Variants in VPS13B observed in about 807,000 individuals in gnomAD.
The protein encoded by VPS13B is intermembrane lipid transfer protein VPS13B.
Under a neutral mutation model 426.4 loss-of-function variants are expected in VPS13B, and 285 were observed. The ratio of observed to expected loss-of-function variants is 0.67; its 90% CI spans 0.61 to 0.74. The LOEUF (loss-of-function observed/expected upper bound fraction) is 0.74, where lower values mean the gene tolerates loss of function less well. Ranked by LOEUF, VPS13B falls within the 30% of genes least tolerant of loss-of-function variation. The pLI is 0.00. For synonymous variants in VPS13B, 1,676 were observed against 1,676.4 expected, an observed-to-expected ratio of 1.00 and a Z score of 0.01; for missense variants, 4,537 against 4,782.6, an observed-to-expected ratio of 0.95 and a Z score of 1.51.
intron 3 of VPS13B, among the ~76,000 whole-genome samples, chr8:99,065,199 A>T (rs1844418458): frequency 6.6e-6 from 1 of 152,230 alleles, no homozygotes; most frequent in Admixed American, 6.5e-5. Context: ...AACTGTATCA[A>T]CACAACAAAA....
chr8:99,606,826 A>G (rs1173938123), intron 33 of VPS13B, among the ~76,000 whole-genome samples: 1 of 151,980 alleles, frequency 6.6e-6, no homozygotes, highest in Non-Finnish European at 1.5e-5. Flanking sequence ...CCTGCATTAT[A>G]TGGCTTATGG....
At chr8:99,423,658 C>T (rs1302524437) in intron 21 of VPS13B, among the ~76,000 whole-genome samples, 4 of 152,092 alleles carry the variant, frequency 2.6e-5, no homozygotes, top group Non-Finnish European at 4.4e-5. Flanking sequence ...ATAAAACATT[C>T]TCACAAGAGG....
At chr8:99,152,678 C>A (rs1811134428) in intron 14 of VPS13B, among the ~76,000 whole-genome samples, 1 of 152,134 alleles carries the variant, frequency 6.6e-6, no homozygotes. Context: ...TGTCTTTAGG[C>A]ACATCCATGT....
intron 39 of VPS13B, among the ~76,000 whole-genome samples, chr8:99,755,066 A>T (rs771032312): frequency 6.6e-6 from 1 of 152,162 alleles, no homozygotes; most frequent in East Asian, 1.9e-4. Context: ...AAAAGCTCCA[A>T]CATATTCCTG....
chr8:99,326,452 C>CTTTTTTTTTGTTTTTTTTTTTT (rs1810270987), intron 19 of VPS13B, among the ~76,000 whole-genome samples: 1 of 32,518 alleles, frequency 3.1e-5, no homozygotes, highest in Non-Finnish European at 5.2e-5. Context: ...CTCTAGGTAG[C>CTTTTTTTTTGTTTTTTTTTTTT]TTTTTTTTTT....
intron 5 of VPS13B, among the ~76,000 whole-genome samples, chr8:99,104,957 T>TA (rs750963819): frequency 6.6e-6 from 1 of 152,208 alleles, no homozygotes; most frequent in Admixed American, 6.5e-5. Context: ...AGCCTGTTTT[T>TA]ATCTCTTTTT....
chr8:99,084,074 A>T (rs1366322229), intron 3 of VPS13B, among the ~76,000 whole-genome samples: 2 of 152,028 alleles, frequency 1.3e-5, no homozygotes, highest in Non-Finnish European at 2.9e-5. Flanking sequence ...TCGGCCGTGA[A>T]TCCATCTGGT....
At chr8:99,028,561 C>G (rs1269423096) in intron 2 of VPS13B, among the ~76,000 whole-genome samples, 1 of 92,114 alleles carries the variant, frequency 1.1e-5, no homozygotes, top group Non-Finnish European at 2.2e-5. Flanking sequence ...GGCGGCTGGC[C>G]GGGCAGGGGG....
At chr8:99,476,190 A>G (rs1382325951) in intron 24 of VPS13B, among the ~76,000 whole-genome samples, 1 of 152,228 alleles carries the variant, frequency 6.6e-6, no homozygotes, top group Admixed American at 6.5e-5. Flanking sequence ...ATTCCTGAAG[A>G]GATGTGAAAC....
At chr8:99,280,173 T>C (rs1819100980) in intron 19 of VPS13B, among the ~76,000 whole-genome samples, 1 of 152,206 alleles carries the variant, frequency 6.6e-6, no homozygotes, top group Non-Finnish European at 1.5e-5. Flanking sequence ...CTGTGGTGGT[T>C]ATGTATTTAC....
chr8:99,493,037 C>T (rs961383995), intron 25 of VPS13B, among the ~76,000 whole-genome samples: 1 of 152,162 alleles, frequency 6.6e-6, no homozygotes, highest in Non-Finnish European at 1.5e-5. Flanking sequence ...AATTTATCTC[C>T]TTTATTCTCT....
intron 35 of VPS13B, among the ~76,000 whole-genome samples, chr8:99,670,990 G>T (rs1426282558): frequency 2.6e-5 from 4 of 151,992 alleles, no homozygotes; most frequent in Non-Finnish European, 5.9e-5. Flanking sequence ...ATTTCCTTTG[G>T]ATCTATACCC....
intron 35 of VPS13B, chr8:99,696,870 G>A: frequency 2.4e-6 from 2 of 841,502 alleles, no homozygotes; most frequent in East Asian, 2.4e-5. Context: ...CAGTCCATCG[G>A]CATCAACAAC....
intron 44 of VPS13B, among the ~76,000 whole-genome samples, chr8:99,816,391 C>T (rs765113703): frequency 9.2e-5 from 14 of 152,118 alleles, no homozygotes; most frequent in Non-Finnish European, 1.8e-4. Context: ...CGTGAACCAC[C>T]GCACCTGGCC....
At chr8:99,478,447 G>GTTTTT (rs56261645) in intron 24 of VPS13B, among the ~76,000 whole-genome samples, 88 of 85,746 alleles carry the variant, frequency 1.0e-3, no homozygotes, top group Non-Finnish European at 1.2e-3. Context: ...TTTTTGTTTT[G>GTTTTT]TTTTTTTTTT....
chr8:99,482,039 T>G (rs1267135992), intron 25 of VPS13B, among the ~76,000 whole-genome samples: 1 of 152,120 alleles, frequency 6.6e-6, no homozygotes, highest in Non-Finnish European at 1.5e-5. Flanking sequence ...TGTGAAATGG[T>G]GAAAACTGAG....
chr8:99,539,564 A>T (rs187504032), intron 30 of VPS13B, among the ~76,000 whole-genome samples: 95 of 152,138 alleles, frequency 6.2e-4, no homozygotes, highest in Non-Finnish European at 1.1e-3. Context: ...TGGTCAGCAA[A>T]ACAAGACCCT....
intron 19 of VPS13B, among the ~76,000 whole-genome samples, chr8:99,377,812 G>C (rs965928095): frequency 6.6e-6 from 1 of 152,198 alleles, no homozygotes; most frequent in Non-Finnish European, 1.5e-5. Context: ...TCAAAGGGGA[G>C]GGAGTGTATG....
intron 19 of VPS13B, among the ~76,000 whole-genome samples, chr8:99,366,135 C>A (rs1459269461): frequency 2.0e-5 from 3 of 152,072 alleles, no homozygotes; most frequent in Non-Finnish European, 4.4e-5. Context: ...CAGATTAAAT[C>A]TGATGTTTCT....
Sources: allele counts gnomAD v4.1 joint callset (sites outside exome capture counted in the v4.1 genomes callset), GRCh38; gene constraint gnomAD v4.1.1; transcripts MANE v1.5; gene names NCBI Gene and HGNC (gene_info 2026-07-23, HGNC 2026-07-21).